The following GSE1 variants were observed in gnomAD, a reference collection of about 807,000 sequenced individuals.
GSE1 encodes Gse1 coiled-coil protein.
In GSE1, 32 loss-of-function variants were observed where a neutral mutation model predicts 112.6. The observed-to-expected ratio is 0.28, with a 90% CI of 0.21 to 0.38. GSE1 has a LOEUF of 0.38. Ranked by LOEUF, GSE1 falls within the 10% of genes least tolerant of loss-of-function variation. The probability of loss-of-function intolerance (pLI) is 1.00; values close to 1 mark genes in which losing one functional copy is unlikely to be tolerated. For missense variants in GSE1, 2,348 were observed against 1,699.2 expected, an observed-to-expected ratio of 1.38 and a Z score of -6.71; for synonymous variants, 1,115 against 735.6, an observed-to-expected ratio of 1.52 and a Z score of -8.35.
chr16:85,527,133 C>A (rs1054774964), intron 2 of GSE1, among the ~76,000 whole-genome samples: 6 of 152,208 alleles, frequency 3.9e-5, no homozygotes, highest in African/African-American at 1.4e-4. Flanking sequence ...TCCTGAGCAG[C>A]GGCCTGACTT....
chr16:85,428,295 T>G (rs2049038667), intron 2 of GSE1, among the ~76,000 whole-genome samples: 1 of 152,140 alleles, frequency 6.6e-6, no homozygotes, highest in South Asian at 2.1e-4. Flanking sequence ...CCCTCGTGCC[T>G]TGGTGAGAGC....
At chr16:85,211,186 T>G (rs2075218534) in intron 1 of GSE1, among the ~76,000 whole-genome samples, 2 of 152,170 alleles carry the variant, frequency 1.3e-5, no homozygotes, top group African/African-American at 4.8e-5. Context: ...CTCTGGGAGT[T>G]CCTTAGGGCC....
chr16:85,221,435 G>A (rs142845197), intron 1 of GSE1, among the ~76,000 whole-genome samples: 4 of 152,020 alleles, frequency 2.6e-5, no homozygotes, highest in Non-Finnish European at 5.9e-5. Flanking sequence ...GCATCCACGT[G>A]TGTGCACATG....
intron 14 of GSE1, among the ~76,000 whole-genome samples, chr16:85,669,693 A>T (rs1413288262): frequency 6.6e-6 from 1 of 152,172 alleles, no homozygotes; most frequent in Non-Finnish European, 1.5e-5. Context: ...TCCATACCCC[A>T]TGGCTGTCAG....
In GSE1 at chr16:85,639,357, C is replaced by T. The variant is rs2050256310; in HGVS notation, c.226+5225C>T. On this transcript the variant is annotated intron_variant, in intron 2 of 15. Transcript: ENST00000253458. The stretch of plus-strand genomic sequence containing the variant: ...CTCCCTGCCTCTCCTACCAGGACCT[C>T]TTCTGCACAGACACCCAACCACCCC... 2.6e-5 allele frequency among the ~76,000 whole-genome samples: 4 copies of T among 152,196 alleles called. No individual in the cohort carries two copies. In the South Asian group the frequency reaches 8.3e-4, roughly 31 times the overall value.
At chr16:85,648,465 G>C (rs34108640) in intron 2 of GSE1, 87 bp from the exon 3 acceptor site, 86,478 of 675,004 alleles carry the variant, frequency 0.13, 6,538 homozygotes, top group Non-Finnish European at 0.16. Context: ...TTGGAGCAGG[G>C]GGGCAGCTGG....
Position 85,482,977 on chromosome 16 carries a change from C to CAAAAAAAAAAAAAAAAA in GSE1, c.2464+125338_2464+125354dup, listed in dbSNP as rs3054201. ...AGGATGACAGAGTGAGACTCCGTCT[C>CAAAAAAAAAAAAAAAAA]AAAAAAAAAAAAAAAAAAAATACCA... On this transcript the variant is annotated intron_variant, in intron 2 of 2. Coordinates refer to the GSE1 transcript ENST00000637419. Among the ~76,000 whole-genome samples, 408 of 47,990 alleles carry CAAAAAAAAAAAAAAAAA rather than the reference C, an allele frequency of 8.5e-3. 13 individuals carry two copies. The highest frequency in any genetic ancestry group is 0.028 in the African/African-American group (390 of 13,848). The allele number at this position is 47,990 out of a possible 152,430, so 31.5% of individuals were successfully genotyped here.
chr16:85,462,018 T>A (rs187221715), intron 2 of GSE1, among the ~76,000 whole-genome samples: 1 of 152,272 alleles, frequency 6.6e-6, no homozygotes, highest in Admixed American at 6.5e-5. Context: ...AGCACTTATC[T>A]GGAAAGGAGA....
At chr16:85,403,871 G>T (rs1007181283) in intron 2 of GSE1, among the ~76,000 whole-genome samples, 2 of 152,150 alleles carry the variant, frequency 1.3e-5, no homozygotes, top group African/African-American at 4.8e-5. Flanking sequence ...CAGCATCAAG[G>T]TGTGGGCAGG....
At chr16:85,664,928 C>T in intron 11 of GSE1, 87 bp from the exon 12 acceptor site, 2 of 881,178 alleles carry the variant, frequency 2.3e-6, no homozygotes, top group South Asian at 2.9e-5. Flanking sequence ...CTTTGCCTGC[C>T]CCTCAAGGCT....
At chr16:85,217,260 A>G (rs1597822541) in intron 1 of GSE1, among the ~76,000 whole-genome samples, 1 of 152,338 alleles carries the variant, frequency 6.6e-6, no homozygotes, top group East Asian at 1.9e-4. Flanking sequence ...GGTGGGAGGC[A>G]GGAGGAGGGG....
chr16:85,258,024 T>C (rs188499911), intron 1 of GSE1, among the ~76,000 whole-genome samples: 1 of 152,348 alleles, frequency 6.6e-6, no homozygotes, highest in East Asian at 1.9e-4. Context: ...CTTGGGCAGC[T>C]TGACTCACTT....
chr16:85,390,488 A>T (rs1030952969), intron 2 of GSE1, among the ~76,000 whole-genome samples: 1 of 152,158 alleles, frequency 6.6e-6, no homozygotes, highest in Non-Finnish European at 1.5e-5. Flanking sequence ...ATATAACAAT[A>T]TGATGGGTTA....
chr16:85,628,568 G>T (rs753053397), intron 1 of GSE1, among the ~76,000 whole-genome samples: 2 of 152,144 alleles, frequency 1.3e-5, no homozygotes, highest in African/African-American at 4.8e-5. Context: ...GGGAGCTGTG[G>T]GTGAGGGCTC....
chr16:85,258,869 CATT>C (rs1294780327), intron 1 of GSE1, among the ~76,000 whole-genome samples: 4 of 152,172 alleles, frequency 2.6e-5, no homozygotes, highest in Admixed American at 2.0e-4. Context: ...TTGTTCTGCC[CATT>C]GTTCTGCCAA....
upstream of GSE1, chr16:85,555,510 C>T: frequency 4.1e-6 from 4 of 984,894 alleles, no homozygotes; most frequent in Non-Finnish European, 2.4e-6. Flanking sequence ...GAAGAAATCT[C>T]CCCCTCGGTA....
intron 1 of GSE1, among the ~76,000 whole-genome samples, chr16:85,260,619 A>G (rs1309628898): frequency 1.3e-5 from 2 of 152,148 alleles, no homozygotes; most frequent in African/African-American, 2.4e-5. Flanking sequence ...CACCGCACCC[A>G]GCCAGGTCAA....
chr16:85,439,845 C>T (rs1383146592), intron 2 of GSE1, among the ~76,000 whole-genome samples: 2 of 152,184 alleles, frequency 1.3e-5, no homozygotes, highest in African/African-American at 4.8e-5. Context: ...CACACAGACA[C>T]ATAAACTCAC....
intron 2 of GSE1, among the ~76,000 whole-genome samples, chr16:85,458,403 G>A (rs1219017012): frequency 1.3e-5 from 2 of 152,352 alleles, no homozygotes; most frequent in East Asian, 3.9e-4. Context: ...CTCGACAGCT[G>A]GAGCTGAAGG....
Sources: allele counts gnomAD v4.1 joint callset (sites outside exome capture counted in the v4.1 genomes callset), GRCh38; gene constraint gnomAD v4.1.1; transcripts MANE v1.5; gene names NCBI Gene and HGNC (gene_info 2026-07-23, HGNC 2026-07-21).